ADCY2: variants seen among roughly 807,000 people sequenced by gnomAD.
ADCY2 encodes the protein adenylate cyclase 2, also known as adenylate cyclase type 2.
A neutral mutation model predicts 125.2 loss-of-function variants in ADCY2; 31 were observed. The ratio of observed to expected loss-of-function variants is 0.25; its 90% confidence interval spans 0.19 to 0.33. The LOEUF is 0.33. ADCY2 is among the 10% of genes least tolerant of loss of function. The pLI is 1.00. For missense variants in ADCY2, 904 were observed against 1,418.2 expected, an observed-to-expected ratio of 0.64 and a Z score of 5.82; for synonymous variants, 512 against 548.4, an observed-to-expected ratio of 0.93 and a Z score of 0.93.
chr5:7,508,862 A>G (rs976302898), intron 2 of ADCY2, among the ~76,000 whole-genome samples: 2 of 152,222 alleles, frequency 1.3e-5, no homozygotes, highest in Non-Finnish European at 2.9e-5. Context: ...TCACAATCTG[A>G]ATAGGTACTG....
At chr5:7,420,658 A>C (rs1740166106) in intron 2 of ADCY2, among the ~76,000 whole-genome samples, 2 of 152,152 alleles carry the variant, frequency 1.3e-5, no homozygotes, top group Admixed American at 6.5e-5. Flanking sequence ...TGCCTCCCAG[A>C]TGAAAACTCT....
intron 4 of ADCY2, among the ~76,000 whole-genome samples, chr5:7,666,807 G>A (rs1316844508): frequency 6.6e-6 from 1 of 152,166 alleles, no homozygotes; most frequent in Admixed American, 6.5e-5. Flanking sequence ...CTCCCACTGT[G>A]GGTCAGGGTC....
intron 15 of ADCY2, among the ~76,000 whole-genome samples, chr5:7,748,668 C>G (rs562668265): frequency 1.3e-5 from 2 of 152,180 alleles, no homozygotes; most frequent in South Asian, 4.2e-4. Flanking sequence ...GCTTCCTATC[C>G]TTGGGTAAGA....
At chr5:7,702,593 T>C (rs1217748879) in intron 7 of ADCY2, among the ~76,000 whole-genome samples, 1 of 152,226 alleles carries the variant, frequency 6.6e-6, no homozygotes, top group Non-Finnish European at 1.5e-5. Context: ...TTCCATGGTG[T>C]ATATGTGCCA....
intron 3 of ADCY2, among the ~76,000 whole-genome samples, chr5:7,601,406 G>A (rs914008086): frequency 1.3e-5 from 2 of 152,214 alleles, no homozygotes; most frequent in South Asian, 2.1e-4. Flanking sequence ...GCAAAAGTCA[G>A]TTAAAGGGAC....
chr5:7,682,042 A>G (rs930930870), intron 4 of ADCY2, among the ~76,000 whole-genome samples: 14 of 152,242 alleles, frequency 9.2e-5, no homozygotes, highest in African/African-American at 3.4e-4. Flanking sequence ...TTAGCAAGCC[A>G]TGCAACCTAT....
At chr5:7,603,784 C>CTTTTTTTTTT in intron 3 of ADCY2, among the ~76,000 whole-genome samples, 159 of 62,764 alleles carry the variant, frequency 2.5e-3, no homozygotes, top group African/African-American at 4.0e-3. Flanking sequence ...TGCTCTCTTT[C>CTTTTTTTTTT]TTTTTTTTTT....
In ADCY2 at chr5:7,414,555, A is replaced by AT. The variant is rs770128101; in HGVS notation, c.211-11dup. On this transcript the variant is annotated splice_polypyrimidine_tract_variant and intron_variant, in intron 1 of 24. Transcript: ENST00000338316. ...TCTCTAAATGGTAACTTTTCCATGT[A>AT]TTTTTTTATCTCCTCAGGAAGTTGA... is the stretch of plus-strand genomic sequence containing the variant. The AT allele has an allele frequency of 1.3e-5, 20 of 1,588,898 alleles. No individual in the cohort carries two copies. The Middle Eastern group carries it at 5.0e-4, about 40-fold the overall frequency.
At chr5:7,478,103 A>G (rs942209355) in intron 2 of ADCY2, among the ~76,000 whole-genome samples, 1 of 152,198 alleles carries the variant, frequency 6.6e-6, no homozygotes, top group African/African-American at 2.4e-5. Context: ...TTGTACATTT[A>G]CTTTATCAAT....
At chr5:7,406,088 G>C (rs1739480056) in intron 1 of ADCY2, among the ~76,000 whole-genome samples, 1 of 151,778 alleles carries the variant, frequency 6.6e-6, no homozygotes, top group African/African-American at 2.4e-5. Flanking sequence ...TCAAACTCCT[G>C]GGCCCAAATG....
chr5:7,803,082 C>T (rs1744648526), intron 21 of ADCY2, among the ~76,000 whole-genome samples: 1 of 152,082 alleles, frequency 6.6e-6, no homozygotes, highest in Admixed American at 6.6e-5. Flanking sequence ...AGGCAAACCT[C>T]CTAAATGTCT....
At chr5:7,535,701 T>C (rs1734791758) in intron 3 of ADCY2, among the ~76,000 whole-genome samples, 1 of 152,144 alleles carries the variant, frequency 6.6e-6, no homozygotes, top group Non-Finnish European at 1.5e-5. Flanking sequence ...TATAGAAGGA[T>C]TGGAGGGAGG....
chr5:7,543,521 G>T (rs544976270), intron 3 of ADCY2, among the ~76,000 whole-genome samples: 5 of 152,136 alleles, frequency 3.3e-5, no homozygotes, highest in African/African-American at 1.2e-4. Context: ...TCAGCTGCCA[G>T]TCCTAGGTTC....
intron 3 of ADCY2, among the ~76,000 whole-genome samples, chr5:7,522,064 C>T (rs1262944791): frequency 6.6e-6 from 1 of 152,172 alleles, no homozygotes; most frequent in East Asian, 1.9e-4. Flanking sequence ...TAGGAACCTG[C>T]ACCACCTGAG....
rs781029599 is a variant in ADCY2, at chr5:7,789,632, C to A, written c.2470-10C>A. ...TATTGTTTCTTTACCTCTGTGTCCTCTTGTAACAGAATGAATATTACTGTA... is the reference window on the plus strand; with the variant it reads ...TATTGTTTCTTTACCTCTGTGTCCTATTGTAACAGAATGAATATTACTGTA... On this transcript the variant is annotated splice_polypyrimidine_tract_variant and intron_variant, in intron 19 of 24. Coordinates refer to ENST00000338316, the MANE Select transcript of ADCY2 (RefSeq NM_020546.3). 6.2e-7 allele frequency: 1 copy of A among 1,612,496 alleles called. No homozygotes were observed. The highest frequency in any genetic ancestry group is 1.1e-5 in the South Asian group (1 of 90,764).
intron 2 of ADCY2, among the ~76,000 whole-genome samples, chr5:7,509,893 T>G (rs1225382947): frequency 6.6e-6 from 1 of 152,200 alleles, no homozygotes. Flanking sequence ...GAATTTCCAA[T>G]TATGCTTTTC....
At chr5:7,628,497 A>G (rs1163398034) in intron 4 of ADCY2, among the ~76,000 whole-genome samples, 2 of 152,202 alleles carry the variant, frequency 1.3e-5, no homozygotes, top group Admixed American at 6.5e-5. Flanking sequence ...TGTGGAGCTC[A>G]AGAACTGAAC....
At chr5:7,584,836 A>G (rs1736570517) in intron 3 of ADCY2, among the ~76,000 whole-genome samples, 1 of 152,168 alleles carries the variant, frequency 6.6e-6, no homozygotes, top group Non-Finnish European at 1.5e-5. Flanking sequence ...TGTGGACGCA[A>G]ATTTGCCAAA....
intron 2 of ADCY2, among the ~76,000 whole-genome samples, chr5:7,520,358 C>A (rs541814829): frequency 6.6e-6 from 1 of 152,142 alleles, no homozygotes; most frequent in Admixed American, 6.5e-5. Context: ...CCCCCGTCCC[C>A]GATGATGCCT....
Sources: allele counts gnomAD v4.1 joint callset (sites outside exome capture counted in the v4.1 genomes callset), GRCh38; gene constraint gnomAD v4.1.1; transcripts MANE v1.5; gene names NCBI Gene and HGNC (gene_info 2026-07-23, HGNC 2026-07-21).